PCDH15: variants seen among roughly 807,000 people sequenced by gnomAD.
PCDH15 encodes protocadherin related 15.
PCDH15 carries 129 observed loss-of-function variants against 178.5 expected under a neutral mutation model. The observed-to-expected ratio is 0.72, with a 90% confidence interval of 0.63 to 0.84. The LOEUF is 0.84. PCDH15 is among the 40% of genes least tolerant of loss of function. The pLI, the probability that PCDH15 is intolerant of heterozygous loss-of-function variation, is 0.00. For synonymous variants in PCDH15, 800 were observed against 732.0 expected (o/e 1.09, Z -1.50); for missense variants, 2,230 against 2,099.9 (o/e 1.06, Z -1.21).
intron 1 of PCDH15, among the ~76,000 whole-genome samples, chr10:54,723,868 T>C (rs1032579373): frequency 2.0e-5 from 3 of 151,706 alleles, no homozygotes; most frequent in Non-Finnish European, 4.4e-5. Flanking sequence ...GAATGGTTAA[T>C]ATTAAAAGTC....
At chr10:53,814,249 C>G (rs1284566785) in intron 35 of PCDH15, among the ~76,000 whole-genome samples, 5 of 152,024 alleles carry the variant, frequency 3.3e-5, no homozygotes, top group Admixed American at 3.3e-4. Context: ...TAACTTCAAA[C>G]AGTTTTGAAG....
At chr10:55,551,479 T>C (rs1009671590) in intron 2 of PCDH15, among the ~76,000 whole-genome samples, 1 of 151,886 alleles carries the variant, frequency 6.6e-6, no homozygotes, top group Non-Finnish European at 1.5e-5. Flanking sequence ...ATAAGAAATG[T>C]ATTTATTCTA....
intron 2 of PCDH15, among the ~76,000 whole-genome samples, chr10:55,441,059 G>C (rs367997353): frequency 3.3e-5 from 5 of 152,224 alleles, no homozygotes; most frequent in African/African-American, 9.6e-5. Flanking sequence ...GATTTGGGTG[G>C]GGACACAGCC....
intron 23 of PCDH15, among the ~76,000 whole-genome samples, chr10:53,952,462 C>A (rs2087162135): frequency 6.6e-6 from 1 of 152,138 alleles, no homozygotes; most frequent in Admixed American, 6.5e-5. Flanking sequence ...CTGCCTGAGT[C>A]TGGTTGAGAC....
intron 8 of PCDH15, among the ~76,000 whole-genome samples, chr10:54,274,064 T>G (rs1320628894): frequency 6.6e-6 from 1 of 151,968 alleles, no homozygotes; most frequent in Non-Finnish European, 1.5e-5. Flanking sequence ...ATGCTCTAAC[T>G]CATAAGTAGG....
chr10:55,298,184 T>C (rs1843182331), intron 1 of PCDH15, among the ~76,000 whole-genome samples: 1 of 152,040 alleles, frequency 6.6e-6, no homozygotes, highest in Non-Finnish European at 1.5e-5. Context: ...AAAATACTCA[T>C]AAGGAGAAAA....
At chr10:54,263,587 C>T (rs2057474992) in intron 8 of PCDH15, among the ~76,000 whole-genome samples, 1 of 152,220 alleles carries the variant, frequency 6.6e-6, no homozygotes, top group South Asian at 2.1e-4. Flanking sequence ...AAATACATTG[C>T]TAAAACAAGC....
At chr10:55,350,246 T>TAC (rs1565042861) in intron 2 of PCDH15, among the ~76,000 whole-genome samples, 1 of 62,314 alleles carries the variant, frequency 1.6e-5, no homozygotes, top group Non-Finnish European at 3.1e-5. Context: ...TATATATATA[T>TAC]ATATATATAT....
chr10:55,560,974 C>T (rs1193386175), intron 2 of PCDH15, among the ~76,000 whole-genome samples: 1 of 151,688 alleles, frequency 6.6e-6, no homozygotes, highest in Non-Finnish European at 1.5e-5. Context: ...AAGAAATATG[C>T]CTTCTTTGGT....
chr10:55,291,115 G>A (rs575612585), intron 1 of PCDH15, among the ~76,000 whole-genome samples: 23 of 151,734 alleles, frequency 1.5e-4, no homozygotes, highest in African/African-American at 5.1e-4. Flanking sequence ...CTTTCCCCCC[G>A]GCCCCTCCCA....
chr10:54,569,066 G>T (rs1387495559), intron 2 of PCDH15, among the ~76,000 whole-genome samples: 1 of 150,836 alleles, frequency 6.6e-6, no homozygotes. Flanking sequence ...TGTTTTCAGA[G>T]ACCATAGAAT....
At chr10:55,436,895 C>A (rs576627162) in intron 2 of PCDH15, among the ~76,000 whole-genome samples, 1 of 152,234 alleles carries the variant, frequency 6.6e-6, no homozygotes, top group East Asian at 1.9e-4. Context: ...ACCATTACAA[C>A]AAAACTTCAT....
intron 15 of PCDH15, among the ~76,000 whole-genome samples, chr10:54,126,157 G>T (rs1458443743): frequency 6.7e-6 from 1 of 148,474 alleles, no homozygotes; most frequent in Admixed American, 6.8e-5. Flanking sequence ...TGCAAGCTCC[G>T]CCTCCCAGGT....
intron 2 of PCDH15, among the ~76,000 whole-genome samples, chr10:55,604,410 A>G (rs548973995): frequency 7.2e-4 from 110 of 152,132 alleles, no homozygotes; most frequent in African/African-American, 2.5e-3. Flanking sequence ...AGACAGCTAC[A>G]GAACTCTCCA....
chr10:54,187,173 T>C (rs1440261764), intron 11 of PCDH15, among the ~76,000 whole-genome samples: 2 of 151,948 alleles, frequency 1.3e-5, no homozygotes, highest in Admixed American at 6.6e-5. Context: ...GCTATGTACC[T>C]TGTTTACCAA....
rs1370763421 is a variant in PCDH15, at chr10:54,757,482, C to T, written c.-29+43443G>A. Among the ~76,000 whole-genome samples the T allele has an allele frequency of 4.8e-5, 2 of 41,990 alleles. 1 individual carries two copies. The highest frequency in any genetic ancestry group is 1.1e-4 in the Non-Finnish European group (2 of 18,358). 27.5% of individuals were successfully genotyped at this position (41,990 alleles called of 152,430 possible). A position where few individuals can be genotyped will look rare whatever the true frequency, so the allele number is the denominator to read the frequency against. ...ATTTTTAGTAGAGACGGGGTTTCACCGTGTCAGCCAGGATGGTCTCGATCT... is the reference window on the plus strand; with the variant it reads ...ATTTTTAGTAGAGACGGGGTTTCACTGTGTCAGCCAGGATGGTCTCGATCT... On this transcript the variant is annotated intron_variant, in intron 1 of 37. Transcript: ENST00000644397.
Position 53,805,480 on chromosome 10 carries a change from A to C in PCDH15, c.*1099T>G, listed in dbSNP as rs1451904044. ...AGACCATGTTCTTTGATTTTAAAAA[A>C]TGCCCAGGCAATGATTTCCTGGTTC... On this transcript the variant is annotated 3_prime_UTR_variant, in exon 38 of 38. Transcript: ENST00000644397. 6.6e-6 allele frequency: 1 copy of C among 152,124 alleles called. No individual in the cohort carries two copies. 9.4% of individuals were successfully genotyped at this position (152,124 alleles called of 1,614,324 possible).
intron 2 of PCDH15, among the ~76,000 whole-genome samples, chr10:55,503,283 A>G (rs1357923635): frequency 6.6e-6 from 1 of 150,492 alleles, no homozygotes; most frequent in Non-Finnish European, 1.5e-5. Flanking sequence ...TTATATATGC[A>G]TAATTTGAAT....
At chr10:54,200,081 C>G (rs533029928) in intron 10 of PCDH15, among the ~76,000 whole-genome samples, 2 of 152,214 alleles carry the variant, frequency 1.3e-5, no homozygotes, top group Non-Finnish European at 2.9e-5. Flanking sequence ...TAACTTTGTT[C>G]TTCCTAACTG....
Sources: gnomAD v4.1 joint callset for allele counts (sites outside exome capture counted in the v4.1 genomes callset) on GRCh38, gnomAD v4.1.1 for gene constraint, MANE v1.5 for transcripts, NCBI Gene and HGNC (gene_info 2026-07-23, HGNC 2026-07-21) for gene names.